The following RBMS3 variants were observed in gnomAD, a reference collection of about 807,000 sequenced individuals.
RBMS3 encodes the protein RNA-binding motif, single-stranded-interacting protein 3.
RBMS3 carries 27 observed loss-of-function variants against 66.8 expected under a neutral mutation model. That is an observed-to-expected ratio of 0.40 (90% CI 0.30 to 0.56). The LOEUF (loss-of-function observed/expected upper bound fraction) is 0.56. Ranked by LOEUF, RBMS3 falls within the 20% of genes least tolerant of loss-of-function variation. RBMS3 has a pLI of 0.40. For missense variants in RBMS3, 513 were observed against 549.5 expected, an observed-to-expected ratio of 0.93 and a Z score of 0.66; for synonymous variants, 188 against 183.0, an observed-to-expected ratio of 1.03 and a Z score of -0.22.
intron 12 of RBMS3, among the ~76,000 whole-genome samples, chr3:29,969,409 A>T (rs998351185): frequency 1.3e-5 from 2 of 152,352 alleles, no homozygotes; most frequent in East Asian, 3.9e-4. Context: ...ATAAAAAGCC[A>T]ATAGCAAGAG....
At chr3:29,853,914 A>C (rs967722586) in intron 6 of RBMS3, among the ~76,000 whole-genome samples, 3 of 152,136 alleles carry the variant, frequency 2.0e-5, no homozygotes, top group Admixed American at 2.0e-4. Flanking sequence ...CTTCCCTCAA[A>C]GCCCAGGGCA....
chr3:29,979,951 A>G lies in RBMS3; in HGVS notation c.1099-8192A>G, dbSNP rs147765792. Among the ~76,000 whole-genome samples, 1,140 of 152,334 alleles carry G rather than the reference A, an allele frequency of 7.5e-3. 12 individuals are homozygous for G. The highest frequency in any genetic ancestry group is 0.026 in the African/African-American group (1,089 of 41,574). ...TTTATAATCCTTTAGGTATATACCCAGTAATGGGATTGCTGGGTCAAATTG... is the reference window on the plus strand; with the variant it reads ...TTTATAATCCTTTAGGTATATACCCGGTAATGGGATTGCTGGGTCAAATTG... On this transcript the variant is annotated intron_variant, in intron 12 of 14. Transcript: ENST00000383767.
intron 1 of RBMS3, among the ~76,000 whole-genome samples, chr3:29,421,575 T>C (rs541238798): frequency 1.3e-5 from 2 of 152,328 alleles, no homozygotes; most frequent in South Asian, 4.1e-4. Flanking sequence ...TTATTTTAAT[T>C]AGTACTTTTA....
intron 1 of RBMS3, among the ~76,000 whole-genome samples, chr3:29,418,238 C>G (rs1468971049): frequency 6.6e-6 from 1 of 152,088 alleles, no homozygotes; most frequent in Non-Finnish European, 1.5e-5. Flanking sequence ...CATTCTCAGT[C>G]TTCTAATCAA....
At chr3:29,443,386 G>T (rs1406117870) in intron 2 of RBMS3, among the ~76,000 whole-genome samples, 1 of 151,808 alleles carries the variant, frequency 6.6e-6, no homozygotes, top group East Asian at 1.9e-4. Context: ...CATATAATTT[G>T]CATTCTAATG....
chr3:29,930,109 C>CTTTCTTTCTTTTTTTTTTTTT lies in RBMS3; in HGVS notation c.940-5974_940-5973insCTTTCTTTTTTTTTTTTTTTT, dbSNP rs71091082. On this transcript the variant is annotated intron_variant, in intron 10 of 14. Coordinates refer to ENST00000383767, the MANE Select transcript of RBMS3 (RefSeq NM_001003793.3). ...TACTTTGTGTCACTTTTCTTTCTTT[C>CTTTCTTTCTTTTTTTTTTTTT]TTTTTTTTTTTTTTTTTTTTGAGAT... is the stretch of plus-strand genomic sequence containing the variant. Among the ~76,000 whole-genome samples the CTTTCTTTCTTTTTTTTTTTTT allele has an allele frequency of 6.7e-4, 29 of 43,558 alleles. 5 individuals are homozygous for CTTTCTTTCTTTTTTTTTTTTT. Among genetic ancestry groups the CTTTCTTTCTTTTTTTTTTTTT allele is most frequent in the African/African-American group, 1.3e-3 (20 of 15,850 alleles). 28.6% of individuals were successfully genotyped at this position (43,558 alleles called of 152,430 possible).
intron 5 of RBMS3, among the ~76,000 whole-genome samples, chr3:29,751,556 C>G (rs568623270): frequency 6.6e-6 from 1 of 152,164 alleles, no homozygotes; most frequent in Non-Finnish European, 1.5e-5. Context: ...TCCACAAACC[C>G]TCTACAACGT....
intron 6 of RBMS3, among the ~76,000 whole-genome samples, chr3:29,788,927 A>G (rs1353010186): frequency 6.6e-6 from 1 of 152,188 alleles, no homozygotes; most frequent in East Asian, 1.9e-4. Context: ...CCTAGCTAAT[A>G]TAATAGGTGA....
chr3:29,646,954 C>A (rs1231953180), intron 4 of RBMS3, among the ~76,000 whole-genome samples: 1 of 151,984 alleles, frequency 6.6e-6, no homozygotes, highest in Non-Finnish European at 1.5e-5. Context: ...GAGGCAAATA[C>A]CAGGCTTCAG....
At chr3:29,978,928 G>T (rs1032733152) in intron 12 of RBMS3, among the ~76,000 whole-genome samples, 1 of 152,014 alleles carries the variant, frequency 6.6e-6, no homozygotes, top group Non-Finnish European at 1.5e-5. Flanking sequence ...GAGGCCAGAA[G>T]TTCAAGACCA....
chr3:29,455,103 A>T (rs537336189), intron 2 of RBMS3, among the ~76,000 whole-genome samples: 2 of 152,312 alleles, frequency 1.3e-5, no homozygotes, highest in African/African-American at 4.8e-5. Context: ...CATGCATTTC[A>T]TAATGCACTC....
In RBMS3 at chr3:29,685,567, T is replaced by C. The variant is rs71319101; in HGVS notation, c.400-54153T>C. Among the ~76,000 whole-genome samples, 1,467 of 152,240 alleles carry C rather than the reference T, an allele frequency of 9.6e-3. 14 individuals carry two copies. Among genetic ancestry groups the C allele is most frequent in the Non-Finnish European group, 0.016 (1,081 of 68,012 alleles). ...ACTTGGTGCAAAACAAGTTCCGGTT[T>C]CCTCCTTCCCTCAGGTGTGGATAAG... On this transcript the variant is annotated intron_variant, in intron 4 of 14. Transcript: ENST00000383767.
chr3:29,602,669 A>G (rs1406372083), intron 4 of RBMS3, among the ~76,000 whole-genome samples: 2 of 152,010 alleles, frequency 1.3e-5, no homozygotes, highest in Non-Finnish European at 2.9e-5. Flanking sequence ...TAGTATCACA[A>G]TTTTCTTACA....
intron 4 of RBMS3, among the ~76,000 whole-genome samples, chr3:29,648,263 A>ATTTTTTTTTTTTTATTTTTT (rs2050014391): frequency 1.3e-5 from 1 of 77,652 alleles, no homozygotes; most frequent in Non-Finnish European, 2.4e-5. Context: ...GAAAATGTCT[A>ATTTTTTTTTTTTTATTTTTT]TTTTTTTTTT....
At chr3:29,867,755 G>A (rs1577033292) in intron 6 of RBMS3, among the ~76,000 whole-genome samples, 1 of 151,404 alleles carries the variant, frequency 6.6e-6, no homozygotes, top group South Asian at 2.1e-4. Context: ...TATAGCAAGA[G>A]GCAAGGACAC....
intron 3 of RBMS3, among the ~76,000 whole-genome samples, chr3:29,578,102 A>G (rs1463381714): frequency 6.6e-6 from 1 of 152,236 alleles, no homozygotes; most frequent in African/African-American, 2.4e-5. Context: ...ATTTGTGATA[A>G]CAGGAACTAT....
At chr3:29,380,175 A>T (rs2038693142) in intron 1 of RBMS3, among the ~76,000 whole-genome samples, 1 of 151,688 alleles carries the variant, frequency 6.6e-6, no homozygotes, top group Non-Finnish European at 1.5e-5. Context: ...GAATATAAAG[A>T]ATAGTGAGAA....
intron 2 of RBMS3, among the ~76,000 whole-genome samples, chr3:29,481,386 G>T (rs1455077473): frequency 6.6e-6 from 1 of 152,170 alleles, no homozygotes; most frequent in East Asian, 1.9e-4. Context: ...TTCTGGAGAT[G>T]GGGTACTGTT....
intron 3 of RBMS3, among the ~76,000 whole-genome samples, chr3:29,504,533 A>AATAATTACT (rs1443259116): frequency 3.3e-5 from 5 of 152,066 alleles, no homozygotes; most frequent in Admixed American, 6.6e-5. Flanking sequence ...GGCTATTGTG[A>AATAATTACT]ATAATTACTA....
Sources: gnomAD v4.1 joint callset for allele counts (sites outside exome capture counted in the v4.1 genomes callset) on GRCh38, gnomAD v4.1.1 for gene constraint, MANE v1.5 for transcripts, NCBI Gene and HGNC (gene_info 2026-07-23, HGNC 2026-07-21) for gene names.